The following SLC43A2 variants were observed in gnomAD, a reference collection of about 807,000 sequenced individuals.
SLC43A2 encodes the protein solute carrier family 43 member 2, also known as large neutral amino acids transporter small subunit 4.
Under a neutral mutation model 63.2 loss-of-function variants are expected in SLC43A2, and 38 were observed. The ratio of observed to expected loss-of-function variants is 0.60; its 90% confidence interval spans 0.46 to 0.79. The LOEUF is 0.79. SLC43A2 is among the 30% of genes least tolerant of loss of function. The pLI, the probability that SLC43A2 is intolerant of heterozygous loss-of-function variation, is 0.00. For missense variants in SLC43A2, 644 were observed against 756.2 expected (o/e 0.85, Z 1.74); for synonymous variants, 322 against 331.0 (o/e 0.97, Z 0.30).
intron 5 of SLC43A2, among the ~76,000 whole-genome samples, chr17:1,594,590 CTTT>C (rs59369068): frequency 4.7e-5 from 5 of 105,600 alleles, no homozygotes; most frequent in African/African-American, 1.0e-4. Context: ...TTCTTTCTTT[CTTT>C]TTTTTTTTTT....
At position 1,627,732 on chromosome 17, in the gene SLC43A2, T is replaced by TA. The variant is rs1329799323; in HGVS notation, c.142dup (p.Tyr48LeufsTer92). The TA allele has an allele frequency of 2.1e-6, 3 of 1,407,670 alleles. No individual in the cohort carries two copies. Among genetic ancestry groups the TA allele is most frequent in the Non-Finnish European group, 2.8e-6 (3 of 1,059,198 alleles). 87.2% of individuals were successfully genotyped at this position (1,407,670 alleles called of 1,614,324 possible). ...TGTCTCACCTGGCTCGGTACACAGG[T>TA]AGGAGTAAAAGCCCTCTGACTTGAG... is the stretch of plus-strand genomic sequence containing the variant. On this transcript the variant is annotated frameshift_variant, in exon 2 of 14. Coordinates refer to ENST00000301335, the MANE Select transcript of SLC43A2 (RefSeq NM_152346.3). LOFTEE classifies it high-confidence loss of function.
chr17:1,627,651 C>CCACCCCCCCCCACCCCA, intron 2 of SLC43A2, 64 bp downstream of exon 2: 1 of 686,278 alleles, frequency 1.5e-6, no homozygotes, highest in Non-Finnish European at 2.3e-6. Flanking sequence ...TCTTCGCCCC[C>CCACCCCCCCCCACCCCA]ATCCCGCCCC....
rs550912933 is a variant in SLC43A2 at position 1,572,029 on chromosome 17, T to C, written c.*3575A>G. On this transcript the variant is annotated 3_prime_UTR_variant, in exon 14 of 14. Coordinates refer to ENST00000301335, the MANE Select transcript of SLC43A2 (RefSeq NM_152346.3). Reference sequence around the variant, plus strand: ...AGGGGCAGACGGGAGGCCCGGCCACTGGTGCCTGCTCCTTTGATCAGCTGT... The same window carrying C: ...AGGGGCAGACGGGAGGCCCGGCCACCGGTGCCTGCTCCTTTGATCAGCTGT... 2.0e-5 allele frequency: 3 copies of C among 152,334 alleles called. No homozygotes were observed. Among genetic ancestry groups the C allele is most frequent in the African/African-American group, 7.2e-5 (3 of 41,484 alleles). The allele number at this position is 152,334 out of a possible 1,614,324, so 9.4% of individuals were successfully genotyped here. A position where few individuals can be genotyped will look rare whatever the true frequency, so the allele number is the denominator to read the frequency against.
At chr17:1,588,731 T>C (rs1229904420) in intron 9 of SLC43A2, among the ~76,000 whole-genome samples, 14 of 146,578 alleles carry the variant, frequency 9.6e-5, no homozygotes, top group Non-Finnish European at 1.5e-4. Flanking sequence ...GGCGGCCTTT[T>C]CCCAGCTGCC....
chr17:1,600,722 T>C (rs372201298), intron 5 of SLC43A2, among the ~76,000 whole-genome samples: 2 of 151,580 alleles, frequency 1.3e-5, no homozygotes, highest in Admixed American at 6.6e-5. Flanking sequence ...GACATCCAGG[T>C]AATTTTTGTA....
chr17:1,606,132 C>A lies in SLC43A2; in HGVS notation c.501+7063G>T, dbSNP rs985980419. Among the ~76,000 whole-genome samples, 42 of 151,672 alleles carry A rather than the reference C, an allele frequency of 2.8e-4. No individual in the cohort carries two copies. The highest frequency in any genetic ancestry group is 9.9e-4 in the African/African-American group (41 of 41,296). ...AAGTCCCGCTCACCAGGCACCTAGA[C>A]CCTCCAGAGCTGGCCGGGGGCCACC... On this transcript the variant is annotated intron_variant, in intron 5 of 13. Coordinates refer to ENST00000301335, the MANE Select transcript of SLC43A2 (RefSeq NM_152346.3). This position sits in a 1 kb window ranked among gnomAD's most constrained non-coding sequence, Gnocchi z 4.7.
At position 1,627,877 on chromosome 17, in the gene SLC43A2, TGCGGC is replaced by T. The variant is rs567235224; in HGVS notation, c.-8_-4del. ...GCAGTGGCCAGGGTGGGCGCCATGGTGCGGCGCGGCGCGGCTCCGGCTCCGGCTCC... is the reference window on the plus strand; with the variant it reads ...GCAGTGGCCAGGGTGGGCGCCATGGTGCGGCGCGGCTCCGGCTCCGGCTCC... On this transcript the variant is annotated 5_prime_UTR_variant, in exon 2 of 14. Transcript: ENST00000301335. The T allele has an allele frequency of 3.9e-6, 6 of 1,557,932 alleles. No individual in the cohort carries two copies. The highest frequency in any genetic ancestry group is 1.4e-5 in the African/African-American group (1 of 72,928).
intron 5 of SLC43A2, among the ~76,000 whole-genome samples, chr17:1,598,361 C>T (rs1905530105): frequency 6.6e-6 from 1 of 151,128 alleles, no homozygotes; most frequent in Admixed American, 6.6e-5. Context: ...GCAGAGGTTG[C>T]AGTGAGCCGA....
intron 1 of SLC43A2, 115 bp from the exon 2 acceptor site, chr17:1,628,035 G>A: frequency 9.3e-7 from 1 of 1,077,606 alleles, no homozygotes; most frequent in Non-Finnish European, 1.2e-6. Flanking sequence ...CGGCCGCGGC[G>A]GCCGGTGCGC....
In SLC43A2 at chr17:1,593,149, C is replaced by A; in HGVS notation, c.594+38G>T. 6.3e-7 allele frequency: 1 copy of A among 1,582,548 alleles called. No individual in the cohort carries two copies. Among genetic ancestry groups the A allele is most frequent in the Non-Finnish European group, 8.7e-7 (1 of 1,155,748 alleles). On this transcript the variant is annotated intron_variant, in intron 6 of 13. Transcript: ENST00000301335. This position sits in a 1 kb window ranked among gnomAD's most constrained non-coding sequence, Gnocchi z 5.3. ...GAGGGTGGAAGGAGCCTGGAGCAGG[C>A]CTCTGCACAGACACCAGTGCAAAAT... is the stretch of plus-strand genomic sequence containing the variant.
chr17:1,619,563 G>A (rs939100699), intron 2 of SLC43A2, among the ~76,000 whole-genome samples: 13 of 152,164 alleles, frequency 8.5e-5, no homozygotes, highest in East Asian at 3.9e-4. Context: ...CCTCGAGCCC[G>A]TCAGGGTGGA....
intron 5 of SLC43A2, chr17:1,604,669 C>A: frequency 6.7e-7 from 1 of 1,486,706 alleles, no homozygotes; most frequent in Non-Finnish European, 9.1e-7. Context: ...CCACAATGCC[C>A]AGTCCCCAAC....
chr17:1,625,623 G>C (rs1337925105), intron 2 of SLC43A2, among the ~76,000 whole-genome samples: 1 of 152,194 alleles, frequency 6.6e-6, no homozygotes, highest in African/African-American at 2.4e-5. Flanking sequence ...AAAGAAAACT[G>C]GTGATGCAGA....
intron 9 of SLC43A2, among the ~76,000 whole-genome samples, chr17:1,587,375 C>T (rs2076121193): frequency 6.6e-6 from 1 of 152,230 alleles, no homozygotes; most frequent in Non-Finnish European, 1.5e-5. Context: ...CTACCTCCTG[C>T]TGTGCTCAGA....
chr17:1,611,045 TTG>T (rs1907054284), intron 5 of SLC43A2, among the ~76,000 whole-genome samples: 1 of 151,960 alleles, frequency 6.6e-6, no homozygotes, highest in Non-Finnish European at 1.5e-5. Flanking sequence ...TTTCACTATC[TTG>T]GGCCAGGCTG....
intron 10 of SLC43A2, chr17:1,585,599 G>T: frequency 9.0e-7 from 1 of 1,109,618 alleles, no homozygotes; most frequent in Non-Finnish European, 1.2e-6. Flanking sequence ...TGTTTCCCAG[G>T]CTGGTCTCCA....
At chr17:1,599,341 A>G (rs1905671666) in intron 5 of SLC43A2, among the ~76,000 whole-genome samples, 1 of 152,014 alleles carries the variant, frequency 6.6e-6, no homozygotes, top group African/African-American at 2.4e-5. Context: ...TCTGTCTCAA[A>G]AAAAGAAAAG....
At chr17:1,614,518 C>T (rs192825657) in intron 4 of SLC43A2, among the ~76,000 whole-genome samples, 1 of 152,092 alleles carries the variant, frequency 6.6e-6, no homozygotes. Context: ...ATGAGCCTGG[C>T]TAAGATTTTG....
chr17:1,614,930 G>A (rs1427474906), intron 4 of SLC43A2, 49 bp downstream of exon 4: 13 of 1,594,208 alleles, frequency 8.2e-6, no homozygotes, highest in Non-Finnish European at 1.1e-5. Context: ...GCAGCTCAGG[G>A]CACTCTCTCC....
Sources: gnomAD v4.1 joint callset for allele counts (sites outside exome capture counted in the v4.1 genomes callset) on GRCh38, gnomAD v4.1.1 for gene constraint, Gnocchi (gnomAD v3.1) non-coding constraint, MANE v1.5 for transcripts, NCBI Gene and HGNC (gene_info 2026-07-23, HGNC 2026-07-21) for gene names.